MAPT: variants seen among roughly 807,000 people sequenced by gnomAD.
MAPT encodes microtubule associated protein tau.
Under a neutral mutation model 67.9 loss-of-function variants are expected in MAPT, and 34 were observed. The observed-to-expected ratio is 0.50, with a 90% confidence interval of 0.38 to 0.67. MAPT has a LOEUF of 0.67. Among genes scored for constraint, MAPT ranks in the 30% least tolerant of loss-of-function variants. The pLI, the probability that MAPT is intolerant of heterozygous loss-of-function variation, is 0.00. For missense variants in MAPT, 881 were observed against 1,115.2 expected (o/e 0.79, Z 2.99); for synonymous variants, 456 against 464.5 (o/e 0.98, Z 0.23).
intron 3 of MAPT, chr17:45,976,959 C>A (rs1472081096): frequency 6.6e-6 from 1 of 152,380 alleles, no homozygotes; most frequent in Admixed American, 6.5e-5. Context: ...ATTGCCATCA[C>A]CTTGTCAGAA....
At chr17:45,920,372 A>T (rs2065584050) in intron 1 of MAPT, among the ~76,000 whole-genome samples, 1 of 152,156 alleles carries the variant, frequency 6.6e-6, no homozygotes, top group African/African-American at 2.4e-5. Flanking sequence ...GAGTTTGCAG[A>T]TACTGTCTCT....
In MAPT at chr17:45,983,351, C is replaced by CA. The variant is rs1568277964; in HGVS notation, c.773dup (p.His258GlnfsTer4). ...ACCTGAGGACACAGAGGGCGGCCGCCACGCCCCTGAGCTGCTCAAGCACCA... is the reference window on the plus strand; with the variant it reads ...ACCTGAGGACACAGAGGGCGGCCGCCAACGCCCCTGAGCTGCTCAAGCACCA... On this transcript the variant is annotated frameshift_variant, in exon 5 of 13. Coordinates refer to ENST00000262410, the MANE Select transcript of MAPT (RefSeq NM_001377265.1). LOFTEE classifies it high-confidence loss of function. 2 of 1,606,262 alleles carry CA rather than the reference C, an allele frequency of 1.2e-6. No individual in the cohort carries two copies. Among genetic ancestry groups the CA allele is most frequent in the Non-Finnish European group, 1.7e-6 (2 of 1,176,958 alleles).
At position 45,996,398 on chromosome 17, in the gene MAPT, G is replaced by C; in HGVS notation, c.1733-1G>C. 6.2e-7 allele frequency: 1 copy of C among 1,611,436 alleles called. No homozygotes were observed. On this transcript the variant is annotated splice_acceptor_variant, in intron 8 of 12. Coordinates refer to ENST00000262410, the MANE Select transcript of MAPT (RefSeq NM_001377265.1). LOFTEE classifies it high-confidence loss of function. The surrounding 1 kb of genome is among the most constrained non-coding windows in gnomAD (Gnocchi z 4.5). ...GCTTCACTCCCTTCCTTCCTTCCCA[G>C]GTGAACCTCCAAAATCAGGGGATCG...
At chr17:45,972,248 T>C (rs889818718) in intron 3 of MAPT, among the ~76,000 whole-genome samples, 5 of 152,070 alleles carry the variant, frequency 3.3e-5, no homozygotes, top group African/African-American at 1.2e-4. Flanking sequence ...AAAAGCCCCC[T>C]CCTCTCTCTT....
chr17:45,941,094 G>A (rs1262802319), intron 1 of MAPT, among the ~76,000 whole-genome samples: 1 of 152,184 alleles, frequency 6.6e-6, no homozygotes, highest in African/African-American at 2.4e-5. Context: ...ACAGGAGACC[G>A]GAGAGGCTGA....
At position 45,983,029 on chromosome 17, in the gene MAPT, C is replaced by A; in HGVS notation, c.450C>A (p.Ser150Arg). ...EPEAPVPLTA[S>R]LPQHRPVCPA... ...AAGCTCCCGTCCCGCTGACCGCGAGCCTTCCTCAGCACCGTCCCGTTTGCC... is the reference window on the plus strand; with the variant it reads ...AAGCTCCCGTCCCGCTGACCGCGAGACTTCCTCAGCACCGTCCCGTTTGCC... Residue 150 changes from serine to arginine, a missense_variant, in exon 5 of 13, where the codon AGC (serine) becomes AGA (arginine). Physicochemically the swap from Ser to Arg is moderately radical, Grantham distance 110. Transcript: ENST00000262410. The A allele has an allele frequency of 6.7e-7, 1 of 1,483,544 alleles. No individual in the cohort carries two copies. Among genetic ancestry groups the A allele is most frequent in the South Asian group, 1.3e-5 (1 of 75,350 alleles). The allele number at this position is 1,483,544 out of a possible 1,614,324, so 91.9% of individuals were successfully genotyped here.
intron 1 of MAPT, among the ~76,000 whole-genome samples, chr17:45,947,634 C>G (rs1479591931): frequency 6.6e-6 from 1 of 151,900 alleles, no homozygotes; most frequent in East Asian, 1.9e-4. Flanking sequence ...ATGATTCACC[C>G]ACCTCGGCCT....
chr17:45,972,033 C>T (rs1423309865), intron 3 of MAPT, 88 bp downstream of exon 3: 1 of 947,358 alleles, frequency 1.1e-6, no homozygotes, highest in South Asian at 1.3e-5. Flanking sequence ...TCTGCTGCTC[C>T]CCCTGGCTGA....
chr17:45,965,294 G>T (rs185458268), intron 2 of MAPT, among the ~76,000 whole-genome samples: 9 of 152,012 alleles, frequency 5.9e-5, no homozygotes, highest in African/African-American at 2.2e-4. Flanking sequence ...ACCAGGTGTG[G>T]TGGTGGGTGC....
intron 9 of MAPT, among the ~76,000 whole-genome samples, chr17:46,003,317 C>T (rs2075164377): frequency 6.6e-6 from 1 of 151,292 alleles, no homozygotes; most frequent in African/African-American, 2.4e-5. Flanking sequence ...CTCACTCTGT[C>T]ACCCAGGCTG....
At chr17:45,958,594 G>A (rs1054731864) in intron 1 of MAPT, among the ~76,000 whole-genome samples, 3 of 152,040 alleles carry the variant, frequency 2.0e-5, no homozygotes, top group Admixed American at 1.3e-4. Flanking sequence ...GATGGCACAC[G>A]CCTGTAGTCC....
intron 9 of MAPT, among the ~76,000 whole-genome samples, chr17:45,999,947 C>A (rs1287891124): frequency 6.6e-6 from 1 of 152,228 alleles, no homozygotes; most frequent in Non-Finnish European, 1.5e-5. Flanking sequence ...AGGGTCCATG[C>A]ACAAGAGCCT....
rs796873922 is a variant in MAPT, at chr17:46,010,188, T to C, written c.1999-122T>C. On this transcript the variant is annotated intron_variant, in intron 9 of 12. Coordinates refer to ENST00000262410, the MANE Select transcript of MAPT (RefSeq NM_001377265.1). The surrounding 1 kb of genome is among the most constrained non-coding windows in gnomAD (Gnocchi z 4.7). ...GCCAAGTCCGAAAGTGGAGGCATCC[T>C]TGCGAGCAAGTAGGCGGGTCCAGGG... The C allele has an allele frequency of 2.3e-5, 17 of 735,350 alleles. No individual in the cohort carries two copies. The highest frequency in any genetic ancestry group is 8.0e-5 in the Admixed American group (4 of 49,986). 45.6% of individuals were successfully genotyped at this position (735,350 alleles called of 1,614,324 possible). A position where few individuals can be genotyped will look rare whatever the true frequency, so the allele number is the denominator to read the frequency against.
chr17:45,943,697 C>T (rs968768385), intron 1 of MAPT, among the ~76,000 whole-genome samples: 1 of 152,142 alleles, frequency 6.6e-6, no homozygotes, highest in Non-Finnish European at 1.5e-5. Flanking sequence ...GTGCATTACC[C>T]GAAAGCTGAG....
chr17:45,941,673 C>CCCTTCCCTCCTT (rs2067923733), intron 1 of MAPT, among the ~76,000 whole-genome samples: 9 of 28,502 alleles, frequency 3.2e-4, no homozygotes, highest in African/African-American at 9.7e-4. Context: ...CCCCCTTCCC[C>CCCTTCCCTCCTT]CCTTCCCTCC....
rs1384633601 is a variant in MAPT at position 45,995,014 on chromosome 17, C to T, written c.1733-1385C>T. Among the ~76,000 whole-genome samples, 2 of 152,048 alleles carry T rather than the reference C, an allele frequency of 1.3e-5. No individual in the cohort carries two copies. Among genetic ancestry groups the T allele is most frequent in the Non-Finnish European group, 2.9e-5 (2 of 68,002 alleles). On this transcript the variant is annotated intron_variant, in intron 8 of 12. Transcript: ENST00000262410. This position sits in a 1 kb window ranked among gnomAD's most constrained non-coding sequence, Gnocchi z 4.3. Reference sequence around the variant, plus strand: ...AGTGAGCCGAGATCACGCCATTGCACTCCAGCCTGGGCATCAGAATAAGAC... The same window carrying T: ...AGTGAGCCGAGATCACGCCATTGCATTCCAGCCTGGGCATCAGAATAAGAC...
intron 1 of MAPT, among the ~76,000 whole-genome samples, chr17:45,917,110 C>A (rs549221562): frequency 5.6e-4 from 85 of 152,342 alleles, no homozygotes; most frequent in African/African-American, 1.9e-3. Context: ...TCAGCAGCAG[C>A]TTTCCAGAAC....
chr17:46,004,222 AG>A (rs1391943405), intron 9 of MAPT, among the ~76,000 whole-genome samples: 15 of 147,440 alleles, frequency 1.0e-4, no homozygotes, highest in Non-Finnish European at 1.3e-4. Context: ...GTGGGGCTGC[AG>A]GCTTGGGGCC....
Position 45,910,180 on chromosome 17 carries a change from G to A in MAPT, c.-18+15494G>A, listed in dbSNP as rs138929060. ...GTCCTCACACTTGGGTAGCCCACAC[G>A]ATGTGATTTCAGGGTGCTGGGAGGT... On this transcript the variant is annotated intron_variant, in intron 1 of 12. Coordinates refer to ENST00000262410, the MANE Select transcript of MAPT (RefSeq NM_001377265.1). Among the ~76,000 whole-genome samples the A allele has an allele frequency of 1.4e-3, 214 of 152,314 alleles. 1 individual carries two copies. The highest frequency in any genetic ancestry group is 4.9e-3 in the African/African-American group (205 of 41,562).
Sources: gnomAD v4.1 joint callset for allele counts (sites outside exome capture counted in the v4.1 genomes callset) on GRCh38, gnomAD v4.1.1 for gene constraint, Gnocchi (gnomAD v3.1) non-coding constraint, MANE v1.5 for transcripts, NCBI Gene and HGNC (gene_info 2026-07-23, HGNC 2026-07-21) for gene names.